Variants in AKAP17A observed in about 807,000 individuals in gnomAD.
AKAP17A encodes A-kinase anchoring protein 17A, also known as A-kinase anchor protein 17A.
A neutral mutation model predicts 52.2 loss-of-function variants in AKAP17A; 15 were observed. The observed-to-expected ratio is 0.29, with a 90% CI of 0.19 to 0.44. The LOEUF (loss-of-function observed/expected upper bound fraction) is 0.44, where lower values mean the gene tolerates loss of function less well. AKAP17A is among the 20% of genes least tolerant of loss of function. The probability of loss-of-function intolerance (pLI) is 1.00; values close to 1 mark genes in which losing one functional copy is unlikely to be tolerated. For missense variants in AKAP17A, 1,060 were observed against 1,007.0 expected (o/e 1.05, Z -0.71); for synonymous variants, 514 against 424.7 (o/e 1.21, Z -2.58).
At chrX:1,597,990 G>T (rs1933102751) in intron 3 of AKAP17A, among the ~76,000 whole-genome samples, 1 of 152,162 alleles carries the variant, frequency 6.6e-6, no homozygotes, top group Non-Finnish European at 1.5e-5. Context: ...GAGCATGAGG[G>T]GAGGCCCAGG....
Position 1,600,823 on chromosome X carries a change from G to T in AKAP17A, c.1317G>T (p.Leu439=). The change falls in exon 5 of 5, where the codon CTG becomes CTT. Residue 439 remains leucine, a synonymous_variant. Transcript: ENST00000313871. ...RKERELRERL[L]SILLSKKPDD... ...AGCGGGAGCTGCGCGAGCGGCTGCT[G>T]AGCATCCTGCTGAGCAAGAAGCCGG... 6.3e-7 allele frequency: 1 copy of T among 1,592,896 alleles called. No homozygotes were observed.
chrX:1,595,321 G>T, intron 2 of AKAP17A, 63 bp from the exon 3 acceptor site: 1 of 1,604,932 alleles, frequency 6.2e-7, no homozygotes, highest in Non-Finnish European at 8.5e-7. Flanking sequence ...AGGAGAGGGC[G>T]CCTGGCCGTG....
rs1188555898 is a variant in AKAP17A at position 1,602,304 on chromosome X, G to A, written c.*710G>A. On this transcript the variant is annotated 3_prime_UTR_variant, in exon 5 of 5. Coordinates refer to ENST00000313871, the MANE Select transcript of AKAP17A (RefSeq NM_005088.3). ...GCTTTGGTTTCTAGTAAAGGTTAGT[G>A]TGTGTGGTTTTTTTAAGAAGCTGTT... 3 of 152,170 alleles carry A rather than the reference G, an allele frequency of 2.0e-5. No individual in the cohort carries two copies. Among genetic ancestry groups the A allele is most frequent in the Non-Finnish European group, 4.4e-5 (3 of 68,040 alleles). The allele number at this position is 152,170 out of a possible 1,614,324, so 9.4% of individuals were successfully genotyped here.
chrX:1,599,884 G>C (rs1261240039), intron 4 of AKAP17A: 8 of 572,476 alleles, frequency 1.4e-5, no homozygotes, highest in African/African-American at 5.6e-5. Flanking sequence ...CCTGCCGTGG[G>C]CCCGGGTCCC....
At chrX:1,594,590 A>G (rs1179561708) in intron 2 of AKAP17A, among the ~76,000 whole-genome samples, 1 of 151,812 alleles carries the variant, frequency 6.6e-6, no homozygotes, top group Non-Finnish European at 1.5e-5. Context: ...CTTTAGCCTC[A>G]TGTGCTTTTT....
intron 3 of AKAP17A, among the ~76,000 whole-genome samples, chrX:1,597,982 G>C (rs1205023619): frequency 6.6e-6 from 1 of 152,188 alleles, no homozygotes; most frequent in Non-Finnish European, 1.5e-5. Context: ...CAGAGGCTGA[G>C]CATGAGGGGA....
chrX:1,597,472 G>T (rs1250518140), intron 3 of AKAP17A, among the ~76,000 whole-genome samples: 1 of 152,160 alleles, frequency 6.6e-6, no homozygotes, highest in African/African-American at 2.4e-5. Flanking sequence ...GGGCGGTTCG[G>T]ATGTGGGGTT....
intron 3 of AKAP17A, among the ~76,000 whole-genome samples, chrX:1,598,877 T>C (rs1233956898): frequency 5.3e-5 from 8 of 152,218 alleles, no homozygotes; most frequent in Non-Finnish European, 1.2e-4. Context: ...CCCGTCCGTC[T>C]GCCCATCCGT....
chrX:1,600,024 G>C (rs1933269158), intron 4 of AKAP17A: 7 of 594,676 alleles, frequency 1.2e-5, no homozygotes, highest in South Asian at 1.1e-4. Flanking sequence ...AGGGCCCACA[G>C]ACAGACAGAC....
chrX:1,595,431 G>T lies in AKAP17A; in HGVS notation c.810G>T (p.Lys270Asn). The T allele has an allele frequency of 1.2e-6, 2 of 1,614,034 alleles. No individual in the cohort carries two copies. The highest frequency in any genetic ancestry group is 1.7e-6 in the Non-Finnish European group (2 of 1,179,884). Residue 270 changes from lysine (K) to asparagine (N), a missense_variant, in exon 3 of 5, where the codon AAG (lysine) becomes AAT (asparagine). Physicochemically the swap from Lys to Asn is moderately conservative, Grantham distance 94 (BLOSUM62 0). This residue lies in a region of AKAP17A where 793 missense variants were observed against 629.9 expected (regional missense o/e 1.26). Transcript: ENST00000313871. ...TKHLSDASIK[K>N]RQLERQKLQE... ...ACCTGAGTGATGCCTCAATTAAGAAGCGGCAGCTGGAGAGGCAGAAGCTTC... is the reference window on the plus strand; with the variant it reads ...ACCTGAGTGATGCCTCAATTAAGAATCGGCAGCTGGAGAGGCAGAAGCTTC...
chrX:1,599,993 A>G, intron 4 of AKAP17A: 1 of 474,528 alleles, frequency 2.1e-6, no homozygotes, highest in East Asian at 5.6e-5. Flanking sequence ...CGCGACTGGT[A>G]ACTCCCATGA....
In AKAP17A at chrX:1,602,059, A is replaced by C. The variant is rs1329538465; in HGVS notation, c.*465A>C. ...TTCTTTCCCCCCCGTTTGTAATGTT[A>C]ACTGATCAGGAAGTGCAGTTTGGGT... On this transcript the variant is annotated 3_prime_UTR_variant, in exon 5 of 5. Coordinates refer to ENST00000313871, the MANE Select transcript of AKAP17A (RefSeq NM_005088.3). 2 of 160,072 alleles carry C rather than the reference A, an allele frequency of 1.2e-5. No individual in the cohort carries two copies. The highest frequency in any genetic ancestry group is 2.7e-5 in the Non-Finnish European group (2 of 73,734). The allele number at this position is 160,072 out of a possible 1,614,324, so 9.9% of individuals were successfully genotyped here.
At chrX:1,595,212 CT>C (rs1356183026) in intron 2 of AKAP17A, among the ~76,000 whole-genome samples, 171 bp from the exon 3 acceptor site, 17 of 150,998 alleles carry the variant, frequency 1.1e-4, no homozygotes, top group African/African-American at 3.2e-4. Flanking sequence ...ATTGGTTTGG[CT>C]TCTGGGCTCC....
At chrX:1,598,384 G>T (rs1315325510) in intron 3 of AKAP17A, among the ~76,000 whole-genome samples, 2 of 152,128 alleles carry the variant, frequency 1.3e-5, no homozygotes, top group African/African-American at 2.4e-5. Flanking sequence ...TCTCCCCTTG[G>T]TGTCTGCGTG....
At chrX:1,594,253 C>A (rs376756031) in intron 2 of AKAP17A, 29 bp downstream of exon 2, 7 of 1,501,288 alleles carry the variant, frequency 4.7e-6, no homozygotes, top group Non-Finnish European at 3.5e-6. Context: ...GAGAGCCACG[C>A]GCTTCCTCCC....
Position 1,601,585 on chromosome X carries a change from G to C in AKAP17A, c.2079G>C (p.Trp693Cys), listed in dbSNP as rs1933388614. Reference sequence around the variant, plus strand: ...CCCCGAGCAGGCACCGCAGTACCTGGAACAGGTAATGACGGGCACGGCCTC... The same window carrying C: ...CCCCGAGCAGGCACCGCAGTACCTGCAACAGGTAATGACGGGCACGGCCTC... ...SRSPSRHRSTWNR is the reference protein window; with the variant it reads ...SRSPSRHRSTCNR The change falls in exon 5 of 5, where the codon TGG (tryptophan) becomes TGC (cysteine). Residue 693 changes from tryptophan (W) to cysteine (C), a missense_variant. Trp to Cys is a radical substitution (Grantham distance 215). Transcript: ENST00000313871. The C allele has an allele frequency of 6.9e-7, 1 of 1,440,744 alleles. No individual in the cohort carries two copies. Among genetic ancestry groups the C allele is most frequent in the East Asian group, 2.5e-5 (1 of 39,552 alleles). The allele number at this position is 1,440,744 out of a possible 1,614,324, so 89.2% of individuals were successfully genotyped here.
rs1933204494 is a variant in AKAP17A, at chrX:1,599,190, A to G, written c.912-2A>G. 6.2e-7 allele frequency: 1 copy of G among 1,611,590 alleles called. No individual in the cohort carries two copies. The highest frequency in any genetic ancestry group is 8.5e-7 in the Non-Finnish European group (1 of 1,179,666). On this transcript the variant is annotated splice_acceptor_variant, in intron 3 of 4. Coordinates refer to ENST00000313871, the MANE Select transcript of AKAP17A (RefSeq NM_005088.3). LOFTEE classifies it high-confidence loss of function. ...TGACCACCCCCGGTGTGTTCCACACAGGAAACAAAAGGAGCTGGAAGAGCT... is the reference window on the plus strand; with the variant it reads ...TGACCACCCCCGGTGTGTTCCACACGGGAAACAAAAGGAGCTGGAAGAGCT...
Position 1,593,424 on chromosome X carries a change from G to A in AKAP17A, c.-19-20G>A, listed in dbSNP as rs376571789. ...GAGGTGGGGGGTGCTGGTGCTGACT[G>A]TCTGCGTCTTATGTTTCAGGCCCAA... On this transcript the variant is annotated intron_variant, in intron 1 of 4. Coordinates refer to ENST00000313871, the MANE Select transcript of AKAP17A (RefSeq NM_005088.3). 15 of 1,586,738 alleles carry A rather than the reference G, an allele frequency of 9.5e-6. No individual in the cohort carries two copies. The highest frequency in any genetic ancestry group is 4.0e-5 in the African/African-American group (3 of 74,634).
chrX:1,596,226 TAAAAAA>T lies in AKAP17A; in HGVS notation c.911+706_911+711del, dbSNP rs561491812. On this transcript the variant is annotated intron_variant, in intron 3 of 4. Transcript: ENST00000313871. ...GAGGGTTGATGGTGATGGCCAGATT[TAAAAAA>T]AAAAAAAAAAACAAAAAACCAATGA... Among the ~76,000 whole-genome samples, 474 of 133,976 alleles carry T rather than the reference TAAAAAA, an allele frequency of 3.5e-3. 2 individuals carry two copies. Among genetic ancestry groups the T allele is most frequent in the African/African-American group, 0.013 (455 of 35,532 alleles). 87.9% of individuals were successfully genotyped at this position (133,976 alleles called of 152,430 possible).
Sources: allele counts gnomAD v4.1 joint callset (sites outside exome capture counted in the v4.1 genomes callset), GRCh38; gene constraint gnomAD v4.1.1; regional missense constraint gnomAD v4.1.1; transcripts MANE v1.5; gene names NCBI Gene and HGNC (gene_info 2026-07-23, HGNC 2026-07-21).